MTPN: variants seen among roughly 807,000 people sequenced by gnomAD.
The protein encoded by MTPN is granule cell differentiation protein.
Under a neutral mutation model 13.5 loss-of-function variants are expected in MTPN, and 2 were observed. The observed-to-expected ratio is 0.15, with a 90% CI of 0.06 to 0.47. The LOEUF is 0.47. MTPN is among the 20% of genes least tolerant of loss of function. MTPN has a pLI of 0.97. For synonymous variants in MTPN, 46 were observed against 51.7 expected, an observed-to-expected ratio of 0.89 and a Z score of 0.48; for missense variants, 79 against 137.9, an observed-to-expected ratio of 0.57 and a Z score of 2.14.
intron 2 of MTPN, among the ~76,000 whole-genome samples, 172 bp from the exon 3 acceptor site, chr7:135,950,854 C>T (rs534813837): frequency 9.9e-5 from 15 of 152,242 alleles, no homozygotes; most frequent in African/African-American, 3.6e-4. Context: ...GAGACCCAAG[C>T]CCACGAGCAA....
At chr7:135,936,178 T>TAATC (rs1799112267) in intron 3 of MTPN, among the ~76,000 whole-genome samples, 1 of 152,176 alleles carries the variant, frequency 6.6e-6, no homozygotes, top group Non-Finnish European at 1.5e-5. Context: ...CAATAAGAGG[T>TAATC]AATCAATACA....
At chr7:135,961,322 C>T (rs573747152) in intron 1 of MTPN, among the ~76,000 whole-genome samples, 2 of 151,926 alleles carry the variant, frequency 1.3e-5, no homozygotes, top group Admixed American at 1.3e-4. Flanking sequence ...TTGATTCCCC[C>T]CCTCCCAAAA....
intron 1 of MTPN, among the ~76,000 whole-genome samples, chr7:135,970,920 T>G (rs1799684716): frequency 6.6e-6 from 1 of 152,170 alleles, no homozygotes; most frequent in Admixed American, 6.5e-5. Context: ...TGATACATTT[T>G]TATAAGAAAG....
chr7:135,965,219 T>C (rs992923495), intron 1 of MTPN, among the ~76,000 whole-genome samples: 4 of 152,136 alleles, frequency 2.6e-5, no homozygotes, highest in Non-Finnish European at 5.9e-5. Flanking sequence ...AGCACTGCTT[T>C]GCAAATTTTA....
chr7:135,936,608 C>T (rs1202331349), intron 3 of MTPN, among the ~76,000 whole-genome samples: 1 of 152,170 alleles, frequency 6.6e-6, no homozygotes, highest in Non-Finnish European at 1.5e-5. Flanking sequence ...AAAGCATTTC[C>T]ATTGTGAACA....
At chr7:135,936,306 G>A (rs891522436) in intron 3 of MTPN, among the ~76,000 whole-genome samples, 19 of 152,270 alleles carry the variant, frequency 1.2e-4, no homozygotes, top group East Asian at 5.8e-4. Context: ...TCAACATGGC[G>A]AAACCCCGTC....
intron 3 of MTPN, among the ~76,000 whole-genome samples, chr7:135,934,551 T>C (rs1354663441): frequency 6.6e-6 from 1 of 152,222 alleles, no homozygotes; most frequent in Non-Finnish European, 1.5e-5. Context: ...AAGGATTACC[T>C]AGGCTGCCAT....
chr7:135,961,634 C>G (rs533140380), intron 1 of MTPN, among the ~76,000 whole-genome samples: 1 of 151,808 alleles, frequency 6.6e-6, no homozygotes, highest in East Asian at 1.9e-4. Flanking sequence ...ATTACAGGTT[C>G]AATGTGCTAG....
intron 3 of MTPN, among the ~76,000 whole-genome samples, chr7:135,947,943 CCT>C (rs1487831980): frequency 1.3e-5 from 2 of 151,964 alleles, no homozygotes; most frequent in African/African-American, 4.8e-5. Context: ...TTTCTAAATC[CCT>C]GTTTATTATT....
intron 3 of MTPN, chr7:135,932,977 C>T (rs1391166303): frequency 6.6e-6 from 1 of 151,816 alleles, no homozygotes; most frequent in Non-Finnish European, 1.5e-5. Flanking sequence ...GTAATCCTAG[C>T]TACTTCGGAG....
chr7:135,939,369 C>A (rs905674041), intron 3 of MTPN, among the ~76,000 whole-genome samples: 1 of 152,048 alleles, frequency 6.6e-6, no homozygotes, highest in African/African-American at 2.4e-5. Flanking sequence ...GCATCTGACA[C>A]AACCCACTTC....
At chr7:135,976,951 T>G in intron 1 of MTPN, 78 bp downstream of exon 1, 1 of 656,138 alleles carries the variant, frequency 1.5e-6, no homozygotes, top group Non-Finnish European at 2.7e-6. Context: ...ATCCCCGCAG[T>G]CCAGCTCCCA....
intron 1 of MTPN, among the ~76,000 whole-genome samples, chr7:135,976,773 C>T (rs1562939190): frequency 6.6e-6 from 1 of 152,174 alleles, no homozygotes; most frequent in Non-Finnish European, 1.5e-5. Context: ...TCCCCTCCCC[C>T]AAGAGGCCAG....
chr7:135,968,919 G>C (rs910678781), intron 1 of MTPN, among the ~76,000 whole-genome samples: 1 of 151,690 alleles, frequency 6.6e-6, no homozygotes, highest in Non-Finnish European at 1.5e-5. Context: ...AAATCAGTTT[G>C]GTATAGATAG....
At chr7:135,932,234 A>C (rs1212830618) in intron 3 of MTPN, 1 of 152,164 alleles carries the variant, frequency 6.6e-6, no homozygotes, top group Non-Finnish European at 1.5e-5. Flanking sequence ...TGAAGAGATC[A>C]AAAGAGAATA....
At chr7:135,975,977 T>G (rs1799767545) in intron 1 of MTPN, among the ~76,000 whole-genome samples, 1 of 152,254 alleles carries the variant, frequency 6.6e-6, no homozygotes, top group Non-Finnish European at 1.5e-5. Context: ...TCAGGTCCTA[T>G]TCTTTGAAGA....
At chr7:135,971,455 T>A (rs951953808) in intron 1 of MTPN, among the ~76,000 whole-genome samples, 5 of 152,178 alleles carry the variant, frequency 3.3e-5, no homozygotes, top group Admixed American at 3.3e-4. Flanking sequence ...AATAATATAG[T>A]ACCCCCCTAG....
At chr7:135,944,026 G>T (rs1467385747) in intron 3 of MTPN, among the ~76,000 whole-genome samples, 1 of 152,062 alleles carries the variant, frequency 6.6e-6, no homozygotes, top group Non-Finnish European at 1.5e-5. Flanking sequence ...TTATTTATAA[G>T]AATTCGTATT....
At chr7:135,936,938 G>T (rs1196544913) in intron 3 of MTPN, among the ~76,000 whole-genome samples, 1 of 152,130 alleles carries the variant, frequency 6.6e-6, no homozygotes, top group Non-Finnish European at 1.5e-5. Context: ...CAAACATGCA[G>T]AATGTTTAAA....
Sources: gnomAD v4.1 joint callset for allele counts (sites outside exome capture counted in the v4.1 genomes callset) on GRCh38, gnomAD v4.1.1 for gene constraint, MANE v1.5 for transcripts, NCBI Gene and HGNC (gene_info 2026-07-23, HGNC 2026-07-21) for gene names.